MLLT3: variants seen among roughly 807,000 people sequenced by gnomAD.
MLLT3 encodes MLLT3 super elongation complex subunit.
In MLLT3, 4 loss-of-function variants were observed where a neutral mutation model predicts 53.2. The observed-to-expected ratio is 0.08, with a 90% CI of 0.04 to 0.17. The LOEUF (loss-of-function observed/expected upper bound fraction) is 0.17. Ranked by LOEUF, MLLT3 falls within the 10% of genes least tolerant of loss-of-function variation. The pLI, the probability that MLLT3 is intolerant of heterozygous loss-of-function variation, is 1.00. For missense variants in MLLT3, 569 were observed against 684.0 expected (o/e 0.83, Z 1.87); for synonymous variants, 283 against 230.6 (o/e 1.23, Z -2.06).
chr9:20,559,668 T>G (rs1819151665), intron 2 of MLLT3, among the ~76,000 whole-genome samples: 1 of 152,324 alleles, frequency 6.6e-6, no homozygotes, highest in Non-Finnish European at 1.5e-5. Flanking sequence ...TGGCATCCTT[T>G]AATTTGAGTG....
At chr9:20,576,037 C>A (rs1161009564) in intron 2 of MLLT3, among the ~76,000 whole-genome samples, 1 of 152,218 alleles carries the variant, frequency 6.6e-6, no homozygotes, top group Non-Finnish European at 1.5e-5. Context: ...CCTCAATGAT[C>A]TTAGCTAGAT....
intron 2 of MLLT3, chr9:20,533,017 T>C: frequency 3.9e-6 from 1 of 258,780 alleles, no homozygotes; most frequent in Non-Finnish European, 7.5e-6. Flanking sequence ...GCTCAGCTGG[T>C]GGTGACTGCA....
intron 2 of MLLT3, among the ~76,000 whole-genome samples, chr9:20,569,344 G>A (rs1819466593): frequency 6.6e-6 from 1 of 152,020 alleles, no homozygotes; most frequent in African/African-American, 2.4e-5. Context: ...AACTGTTTTC[G>A]AGACCCAGAA....
intron 2 of MLLT3, among the ~76,000 whole-genome samples, chr9:20,585,416 C>T (rs1054118180): frequency 2.6e-5 from 4 of 152,120 alleles, no homozygotes; most frequent in Non-Finnish European, 5.9e-5. Context: ...AGGGTTTCAA[C>T]GTATGAATTT....
At chr9:20,588,348 C>A (rs981076595) in intron 2 of MLLT3, among the ~76,000 whole-genome samples, 3 of 150,986 alleles carry the variant, frequency 2.0e-5, no homozygotes, top group African/African-American at 4.9e-5. Context: ...TCCATATGAA[C>A]TTTAAAGTAG....
chr9:20,418,884 G>T (rs1342072029), intron 4 of MLLT3, among the ~76,000 whole-genome samples: 1 of 152,176 alleles, frequency 6.6e-6, no homozygotes, highest in Non-Finnish European at 1.5e-5. Flanking sequence ...CAGAATGTAA[G>T]GAGATCAGAA....
At chr9:20,612,428 T>C (rs967220742) in intron 2 of MLLT3, among the ~76,000 whole-genome samples, 1 of 152,030 alleles carries the variant, frequency 6.6e-6, no homozygotes, top group African/African-American at 2.4e-5. Flanking sequence ...GGCCACGAAC[T>C]AAATTCTTAA....
At chr9:20,592,144 T>A (rs1175579079) in intron 2 of MLLT3, among the ~76,000 whole-genome samples, 1 of 152,072 alleles carries the variant, frequency 6.6e-6, no homozygotes, top group African/African-American at 2.4e-5. Context: ...CCCAAAAAAT[T>A]AAAATGGAAG....
chr9:20,459,882 T>A (rs1264025811), intron 2 of MLLT3, among the ~76,000 whole-genome samples: 1 of 152,198 alleles, frequency 6.6e-6, no homozygotes, highest in African/African-American at 2.4e-5. Flanking sequence ...GAGTTCTTAA[T>A]TAGAAGCAAA....
chr9:20,402,560 G>C (rs1822482109), intron 5 of MLLT3, among the ~76,000 whole-genome samples: 1 of 152,156 alleles, frequency 6.6e-6, no homozygotes, highest in African/African-American at 2.4e-5. Context: ...CATTTACACT[G>C]GAGTTTTTAA....
intron 2 of MLLT3, among the ~76,000 whole-genome samples, chr9:20,462,268 T>C (rs1320097147): frequency 6.6e-6 from 1 of 152,328 alleles, no homozygotes; most frequent in East Asian, 1.9e-4. Context: ...AGATTATTCC[T>C]AAAGAACAAA....
chr9:20,590,930 T>C (rs1820113081), intron 2 of MLLT3, among the ~76,000 whole-genome samples: 1 of 151,876 alleles, frequency 6.6e-6, no homozygotes, highest in Non-Finnish European at 1.5e-5. Flanking sequence ...ATTATTTGAC[T>C]GTAGAGATGG....
intron 2 of MLLT3, among the ~76,000 whole-genome samples, chr9:20,519,610 T>C (rs1302996459): frequency 2.6e-5 from 4 of 152,146 alleles, no homozygotes; most frequent in East Asian, 1.9e-4. Context: ...TCAACATCAC[T>C]GATCATTAGA....
intron 2 of MLLT3, among the ~76,000 whole-genome samples, chr9:20,535,870 CCAAA>C (rs1305243779): frequency 2.0e-5 from 3 of 152,056 alleles, no homozygotes; most frequent in Non-Finnish European, 4.4e-5. Flanking sequence ...CTAGAAATAT[CCAAA>C]CAATGCATAA....
intron 5 of MLLT3, chr9:20,380,326 C>T (rs1467872278): frequency 1.3e-5 from 2 of 152,018 alleles, no homozygotes; most frequent in African/African-American, 4.8e-5. Flanking sequence ...TCCAGATCCA[C>T]ACTGTTCAAT....
intron 5 of MLLT3, among the ~76,000 whole-genome samples, chr9:20,378,131 T>G (rs1821817641): frequency 7.0e-6 from 1 of 142,990 alleles, no homozygotes; most frequent in East Asian, 2.0e-4. Flanking sequence ...TTTTAAATTT[T>G]CAATTTTTTG....
At chr9:20,540,724 A>C (rs1475464561) in intron 2 of MLLT3, among the ~76,000 whole-genome samples, 2 of 152,180 alleles carry the variant, frequency 1.3e-5, no homozygotes, top group African/African-American at 4.8e-5. Flanking sequence ...AAGGTCTCTG[A>C]TATAACCCTG....
chr9:20,513,251 C>T (rs1268437752), intron 2 of MLLT3, among the ~76,000 whole-genome samples: 1 of 152,176 alleles, frequency 6.6e-6, no homozygotes, highest in Non-Finnish European at 1.5e-5. Flanking sequence ...TGGCCCTTGT[C>T]TGACCTGTGT....
intron 4 of MLLT3, among the ~76,000 whole-genome samples, chr9:20,421,454 G>A (rs991431477): frequency 1.3e-5 from 2 of 151,970 alleles, no homozygotes; most frequent in African/African-American, 4.8e-5. Flanking sequence ...CAAGTACAAA[G>A]CTAAACTTAG....
Sources: allele counts gnomAD v4.1 joint callset (sites outside exome capture counted in the v4.1 genomes callset), GRCh38; gene constraint gnomAD v4.1.1; transcripts MANE v1.5; gene names NCBI Gene and HGNC (gene_info 2026-07-23, HGNC 2026-07-21).